Variants in SGPP2 observed in about 807,000 individuals in gnomAD.
SGPP2 encodes sphingosine-1-phosphate phosphatase 2, also known as sphingosine 1-phosphate phosphohydrolase 2.
A neutral mutation model predicts 33.9 loss-of-function variants in SGPP2; 30 were observed. The ratio of observed to expected loss-of-function variants is 0.89; its 90% CI spans 0.66 to 1.20. SGPP2 has a LOEUF of 1.20. Ranked by LOEUF, SGPP2 falls within the 50% of genes most tolerant of loss-of-function variation. The pLI is 0.00. For missense variants in SGPP2, 458 were observed against 532.1 expected, an observed-to-expected ratio of 0.86 and a Z score of 1.37; for synonymous variants, 233 against 225.0, an observed-to-expected ratio of 1.04 and a Z score of -0.32.
chr2:222,553,807 C>T (rs62188477), intron 4 of SGPP2, among the ~76,000 whole-genome samples: 58 of 152,272 alleles, frequency 3.8e-4, no homozygotes, highest in Non-Finnish European at 6.5e-4. Context: ...GACTTGAGTC[C>T]AGTGGAGCTG....
Position 222,542,312 on chromosome 2 carries a change from G to T in SGPP2, c.649-16035G>T, listed in dbSNP as rs115425368. Among the ~76,000 whole-genome samples, 1,476 of 152,196 alleles carry T rather than the reference G, an allele frequency of 9.7e-3. 12 individuals are homozygous for T. Among genetic ancestry groups the T allele is most frequent in the Middle Eastern group, 0.068 (20 of 294 alleles). ...CCATATACCACACTTTATCCCTTCTGCTATTGATGCATATTTGGACTGGTT... is the reference window on the plus strand; with the variant it reads ...CCATATACCACACTTTATCCCTTCTTCTATTGATGCATATTTGGACTGGTT... On this transcript the variant is annotated intron_variant, in intron 4 of 4. Coordinates refer to ENST00000321276, the MANE Select transcript of SGPP2 (RefSeq NM_152386.4).
chr2:222,528,515 G>T (rs73067744), intron 4 of SGPP2, among the ~76,000 whole-genome samples: 248 of 152,324 alleles, frequency 1.6e-3, no homozygotes, highest in African/African-American at 5.4e-3. Context: ...TGGGCCTTCT[G>T]TGAGTCATAA....
At chr2:222,524,821 C>T in intron 3 of SGPP2, 123 bp from the exon 4 acceptor site, 1 of 740,568 alleles carries the variant, frequency 1.4e-6, no homozygotes, top group South Asian at 1.9e-5. Context: ...GATTGCTGGT[C>T]TGGGGAATGC....
intron 2 of SGPP2, among the ~76,000 whole-genome samples, chr2:222,515,753 T>G (rs1361185600): frequency 6.6e-6 from 1 of 152,104 alleles, no homozygotes; most frequent in Non-Finnish European, 1.5e-5. Context: ...ATATACAAGT[T>G]GAGGGTTGAG....
rs1028410008 is a variant in SGPP2, at chr2:222,476,184, C to G, written c.378+1458C>G. Among the ~76,000 whole-genome samples, 1 of 152,102 alleles carries G rather than the reference C, an allele frequency of 6.6e-6. No homozygotes were observed. The highest frequency in any genetic ancestry group is 1.5e-5 in the Non-Finnish European group (1 of 68,026). ...AGAGAAGATTTTAGCAAGTGACTTT[C>G]CTATGGTGAGCATTATGTTTTCTCA... On this transcript the variant is annotated intron_variant, in intron 2 of 4. Transcript: ENST00000321276. This position sits in a 1 kb window ranked among gnomAD's most constrained non-coding sequence, Gnocchi z 4.3.
chr2:222,532,084 C>T (rs1292487062), intron 4 of SGPP2, among the ~76,000 whole-genome samples: 1 of 152,036 alleles, frequency 6.6e-6, no homozygotes, highest in Non-Finnish European at 1.5e-5. Flanking sequence ...ACCAGCCTGA[C>T]CAACATGGAG....
At chr2:222,442,408 T>C (rs983503423) in intron 1 of SGPP2, among the ~76,000 whole-genome samples, 2 of 152,206 alleles carry the variant, frequency 1.3e-5, no homozygotes, top group Non-Finnish European at 2.9e-5. Context: ...TACTTAGTAC[T>C]TATAGCAGAC....
At chr2:222,533,816 T>C (rs1698873986) in intron 4 of SGPP2, among the ~76,000 whole-genome samples, 1 of 151,802 alleles carries the variant, frequency 6.6e-6, no homozygotes, top group Non-Finnish European at 1.5e-5. Context: ...ATTTCGCTCC[T>C]TAAAGGACTT....
chr2:222,503,152 C>G (rs1444204056), intron 2 of SGPP2, among the ~76,000 whole-genome samples: 1 of 152,146 alleles, frequency 6.6e-6, no homozygotes, highest in Non-Finnish European at 1.5e-5. Context: ...AAAAAGATCT[C>G]TATTTAGATT....
Position 222,465,137 on chromosome 2 carries a change from A to G in SGPP2, c.220-9431A>G, listed in dbSNP as rs1008486559. On this transcript the variant is annotated intron_variant, in intron 1 of 4. Coordinates refer to ENST00000321276, the MANE Select transcript of SGPP2 (RefSeq NM_152386.4). This position sits in a 1 kb window ranked among gnomAD's most constrained non-coding sequence, Gnocchi z 4.1. ...GACAAACGCCCACTAAGCAGGTGAC[A>G]GTGATGAGTGTGCAGTTCCCTCTCA... 1.3e-5 allele frequency among the ~76,000 whole-genome samples: 2 copies of G among 152,212 alleles called. No individual in the cohort carries two copies. Among genetic ancestry groups the G allele is most frequent in the Admixed American group, 6.5e-5 (1 of 15,284 alleles).
intron 4 of SGPP2, among the ~76,000 whole-genome samples, chr2:222,534,756 A>T (rs1325926631): frequency 6.6e-6 from 1 of 152,198 alleles, no homozygotes; most frequent in East Asian, 1.9e-4. Flanking sequence ...AGCATCAGTC[A>T]CTATGTTAGT....
chr2:222,520,292 C>A (rs1326302700), intron 2 of SGPP2, among the ~76,000 whole-genome samples: 1 of 151,794 alleles, frequency 6.6e-6, no homozygotes, highest in Non-Finnish European at 1.5e-5. Flanking sequence ...TTTTTCATAT[C>A]TTTTTTCAGT....
intron 1 of SGPP2, among the ~76,000 whole-genome samples, chr2:222,447,310 G>A (rs555705155): frequency 6.6e-6 from 1 of 152,164 alleles, no homozygotes; most frequent in African/African-American, 2.4e-5. Context: ...ACCCCTAATT[G>A]CAAATGAGGT....
intron 4 of SGPP2, among the ~76,000 whole-genome samples, chr2:222,556,360 T>A (rs1331927074): frequency 6.6e-6 from 1 of 151,944 alleles, no homozygotes; most frequent in South Asian, 2.1e-4. Flanking sequence ...GGAACTGAAG[T>A]GCGTACTGGT....
chr2:222,522,160 C>T (rs1461438037), intron 3 of SGPP2, among the ~76,000 whole-genome samples: 3 of 152,200 alleles, frequency 2.0e-5, no homozygotes, highest in African/African-American at 7.2e-5. Context: ...TGTGTGTGAA[C>T]ATCAGCACCA....
At chr2:222,502,622 A>G (rs780076338) in intron 2 of SGPP2, among the ~76,000 whole-genome samples, 2 of 152,250 alleles carry the variant, frequency 1.3e-5, no homozygotes, top group Admixed American at 6.5e-5. Flanking sequence ...TCTTTATAAT[A>G]TGCGCTGTAG....
chr2:222,484,694 TTC>T (rs1423055301), intron 2 of SGPP2, among the ~76,000 whole-genome samples: 2 of 152,062 alleles, frequency 1.3e-5, no homozygotes, highest in African/African-American at 4.8e-5. Context: ...GGAACTCAGT[TTC>T]TCTCTTGCTG....
chr2:222,496,962 A>T (rs1308073586), intron 2 of SGPP2, among the ~76,000 whole-genome samples: 1 of 152,240 alleles, frequency 6.6e-6, no homozygotes, highest in African/African-American at 2.4e-5. Flanking sequence ...AGAAGCACCC[A>T]TGTAAAGAGG....
chr2:222,452,825 C>T, intron 1 of SGPP2: 3 of 1,606,106 alleles, frequency 1.9e-6, no homozygotes, highest in Non-Finnish European at 2.6e-6. Context: ...CATTGCTATT[C>T]TGCGGCCAGT....
Sources: allele counts gnomAD v4.1 joint callset (sites outside exome capture counted in the v4.1 genomes callset), GRCh38; gene constraint gnomAD v4.1.1; non-coding constraint Gnocchi (gnomAD v3.1); transcripts MANE v1.5; gene names NCBI Gene and HGNC (gene_info 2026-07-23, HGNC 2026-07-21).